ATP2B4: variants seen among roughly 807,000 people sequenced by gnomAD.
ATP2B4 encodes the protein plasma membrane calcium-transporting ATPase 4.
A neutral mutation model predicts 110.3 loss-of-function variants in ATP2B4; 39 were observed. The observed-to-expected ratio is 0.35, with a 90% CI of 0.27 to 0.46. The LOEUF is 0.46. Among genes scored for constraint, ATP2B4 ranks in the 20% least tolerant of loss-of-function variants. The pLI is 1.00. For missense variants in ATP2B4, 1,135 were observed against 1,530.9 expected (o/e 0.74, Z 4.32); for synonymous variants, 538 against 571.7 (o/e 0.94, Z 0.84).
At chr1:203,641,097 C>G in intron 1 of ATP2B4, among the ~76,000 whole-genome samples, 1 of 152,188 alleles carries the variant, frequency 6.6e-6, no homozygotes, top group Non-Finnish European at 1.5e-5. Context: ...AGTGTAGCCC[C>G]TCTGTGAGCC....
At chr1:203,641,652 T>C (rs1381073714) in intron 1 of ATP2B4, among the ~76,000 whole-genome samples, 2 of 152,142 alleles carry the variant, frequency 1.3e-5, no homozygotes, top group Non-Finnish European at 2.9e-5. Flanking sequence ...ACTACACTCT[T>C]ACAACATGCT....
At chr1:203,644,736 G>C (rs867755495) in intron 1 of ATP2B4, among the ~76,000 whole-genome samples, 1 of 152,118 alleles carries the variant, frequency 6.6e-6, no homozygotes, top group South Asian at 2.1e-4. Flanking sequence ...CATCTTCCTA[G>C]GAAGTTGGTG....
intron 4 of ATP2B4, 66 bp from the exon 5 acceptor site, chr1:203,700,140 G>A (rs1247733029): frequency 1.3e-6 from 2 of 1,548,168 alleles, no homozygotes; most frequent in African/African-American, 1.4e-5. Flanking sequence ...AGGAGTTGGA[G>A]GACCCTACCC....
At position 203,699,538 on chromosome 1, in the gene ATP2B4, T is replaced by G. The variant is rs745540170; in HGVS notation, c.470T>G (p.Phe157Cys). ...AGWIEGAAIL[F>C]SVIIVVLVTA... Reference sequence around the variant, plus strand: ...TGGATTGAGGGGGCAGCCATCCTTTTCTCAGTGATCATCGTGGTGTTAGTG... The same window carrying G: ...TGGATTGAGGGGGCAGCCATCCTTTGCTCAGTGATCATCGTGGTGTTAGTG... The change falls in exon 4 of 21, where the codon TTC (phenylalanine) becomes TGC (cysteine). Residue 157 changes from phenylalanine to cysteine, a missense_variant. This residue lies in a region of ATP2B4 where 101 missense variants were observed against 182.6 expected (regional missense o/e 0.55). Coordinates refer to ENST00000357681, the MANE Select transcript of ATP2B4 (RefSeq NM_001684.5). 8.1e-6 allele frequency: 13 copies of G among 1,614,196 alleles called. No homozygotes were observed. The Admixed American group carries it at 2.2e-4, about 27-fold the overall frequency.
intron 1 of ATP2B4, among the ~76,000 whole-genome samples, chr1:203,638,978 G>A (rs950141189): frequency 6.6e-6 from 1 of 152,198 alleles, no homozygotes; most frequent in Non-Finnish European, 1.5e-5. Flanking sequence ...TGGGCCTTGA[G>A]CTGAGAGAGG....
Position 203,629,654 on chromosome 1 carries a change from G to T in ATP2B4, c.-465+2435G>T, listed in dbSNP as rs1393038972. ...ACCCCGCCCCGCCAGCCTCTCCGCC[G>T]CTGGGCTCCACCCTCCCGGGCTCTG... On this transcript the variant is annotated intron_variant, in intron 1 of 20. Transcript: ENST00000357681. This position sits in a 1 kb window ranked among gnomAD's most constrained non-coding sequence, Gnocchi z 4.6. Among the ~76,000 whole-genome samples, 2 of 152,138 alleles carry T rather than the reference G, an allele frequency of 1.3e-5. No homozygotes were observed. Among genetic ancestry groups the T allele is most frequent in the African/African-American group, 2.4e-5 (1 of 41,434 alleles).
chr1:203,658,761 T>C (rs2102328756), intron 1 of ATP2B4, among the ~76,000 whole-genome samples: 1 of 152,104 alleles, frequency 6.6e-6, no homozygotes, highest in East Asian at 1.9e-4. Flanking sequence ...ATCCCAACAC[T>C]TTGGGAGGCT....
In ATP2B4 at chr1:203,720,756, G is replaced by A; in HGVS notation, c.2598+16G>A. 6.2e-7 allele frequency: 1 copy of A among 1,604,640 alleles called. No individual in the cohort carries two copies. The highest frequency in any genetic ancestry group is 1.1e-5 in the South Asian group (1 of 89,500). ...TATCACTCAGGTGAAGGGGGTGTGG[G>A]TGGGCTGAGACGGGAGGGATGAGTC... On this transcript the variant is annotated intron_variant, in intron 16 of 20. Coordinates refer to ENST00000357681, the MANE Select transcript of ATP2B4 (RefSeq NM_001684.5).
chr1:203,694,124 T>C (rs1665464447), intron 2 of ATP2B4, among the ~76,000 whole-genome samples: 2 of 152,236 alleles, frequency 1.3e-5, no homozygotes, highest in Admixed American at 1.3e-4. Context: ...GGCATGAATG[T>C]GCCTGGTGAG....
intron 1 of ATP2B4, among the ~76,000 whole-genome samples, chr1:203,674,654 T>G (rs1664776285): frequency 8.2e-6 from 1 of 121,250 alleles, no homozygotes; most frequent in East Asian, 2.4e-4. Context: ...TTTTTTTTTT[T>G]TTTTTTTTTT....
intron 1 of ATP2B4, among the ~76,000 whole-genome samples, chr1:203,667,492 A>G (rs192444715): frequency 6.6e-6 from 1 of 152,288 alleles, no homozygotes; most frequent in African/African-American, 2.4e-5. Flanking sequence ...ACAATTGCTC[A>G]GTTACTCAGT....
intron 1 of ATP2B4, among the ~76,000 whole-genome samples, chr1:203,681,500 G>A (rs1301746076): frequency 2.0e-5 from 3 of 152,250 alleles, no homozygotes; most frequent in African/African-American, 4.8e-5. Flanking sequence ...ACCGGGGCTG[G>A]GGTCCCATGT....
At chr1:203,708,183 A>G (rs1665905331) in intron 10 of ATP2B4, 79 bp downstream of exon 10, 1 of 1,575,428 alleles carries the variant, frequency 6.3e-7, no homozygotes, top group African/African-American at 1.3e-5. Context: ...GAACCCCCTT[A>G]TTGTTTACAC....
intron 7 of ATP2B4, among the ~76,000 whole-genome samples, chr1:203,703,164 C>CGAGAGAGAGAGAGAGAGAGAGAGAGA (rs144760902): frequency 6.9e-6 from 1 of 145,148 alleles, no homozygotes; most frequent in African/African-American, 2.5e-5. Flanking sequence ...CCCTGACAAT[C>CGAGAGAGAGAGAGAGAGAGAGAGAGA]GAGAGAGAGA....
Position 203,699,521 on chromosome 1 carries a change from G to A in ATP2B4, c.453G>A (p.Glu151=). The A allele has an allele frequency of 6.2e-7, 1 of 1,614,182 alleles. No individual in the cohort carries two copies. Among genetic ancestry groups the A allele is most frequent in the East Asian group, 2.2e-5 (1 of 44,882 alleles). Residue 151 remains glutamate, a synonymous_variant, in exon 4 of 21, where the codon GAG becomes GAA. Transcript: ENST00000357681. The part of the protein sequence containing the change: ...DENEAQAGWI[E]GAAILFSVII... ...ATGAGGCACAAGCTGGCTGGATTGA[G>A]GGGGCAGCCATCCTTTTCTCAGTGA...
rs563180407 is a variant in ATP2B4, at chr1:203,651,793, C to T, written c.-465+24574C>T. On this transcript the variant is annotated intron_variant, in intron 1 of 20. Coordinates refer to ENST00000357681, the MANE Select transcript of ATP2B4 (RefSeq NM_001684.5). ...GAACACACGGCTAGGCACGGTGGCTCATGCCTGTAATCCCAGCACTTTGGA... is the reference window on the plus strand; with the variant it reads ...GAACACACGGCTAGGCACGGTGGCTTATGCCTGTAATCCCAGCACTTTGGA... 4.0e-5 allele frequency among the ~76,000 whole-genome samples: 6 copies of T among 151,530 alleles called. No homozygotes were observed. The East Asian group carries it at 7.9e-4, about 20-fold the overall frequency.
intron 1 of ATP2B4, among the ~76,000 whole-genome samples, chr1:203,652,242 G>A (rs371247890): frequency 7.2e-4 from 108 of 150,512 alleles, no homozygotes; most frequent in African/African-American, 1.4e-3. Context: ...TTTCCCAGGT[G>A]CAAGCGATTC....
At chr1:203,702,114 C>T in intron 7 of ATP2B4, 35 bp downstream of exon 7, 1 of 1,612,206 alleles carries the variant, frequency 6.2e-7, no homozygotes, top group Non-Finnish European at 8.5e-7. Flanking sequence ...CCATCTCTAC[C>T]TGCCCACACT....
chr1:203,709,342 C>A lies in ATP2B4; in HGVS notation c.1599C>A (p.Asn533Lys). 6.2e-7 allele frequency: 1 copy of A among 1,614,200 alleles called. No individual in the cohort carries two copies. Among genetic ancestry groups the A allele is most frequent in the Non-Finnish European group, 8.5e-7 (1 of 1,180,020 alleles). ...KEGGLPRQVG[N>K]KTECALLGFV... is the part of the protein sequence containing the mutation. ...GAGGCCTGCCTCGGCAGGTGGGCAA[C>A]AAGACCGAGTGTGCTCTGCTAGGCT... Residue 533 changes from asparagine (N) to lysine (K), a missense_variant, in exon 11 of 21, where the codon AAC becomes AAA. This residue lies in a region of ATP2B4 where 368 missense variants were observed against 455.9 expected (regional missense o/e 0.81). Transcript: ENST00000357681.
Sources: gnomAD v4.1 joint callset for allele counts (sites outside exome capture counted in the v4.1 genomes callset) on GRCh38, gnomAD v4.1.1 for gene constraint, gnomAD v4.1.1 regional missense constraint, Gnocchi (gnomAD v3.1) non-coding constraint, MANE v1.5 for transcripts, NCBI Gene and HGNC (gene_info 2026-07-23, HGNC 2026-07-21) for gene names.